The following AKAP6 variants were observed in gnomAD, a reference collection of about 807,000 sequenced individuals.
The protein encoded by AKAP6 is A-kinase anchoring protein 6.
In AKAP6, 58 loss-of-function variants were observed where a neutral mutation model predicts 188.5. That is an observed-to-expected ratio of 0.31 (90% CI 0.25 to 0.38). The LOEUF is 0.38. Among genes scored for constraint, AKAP6 ranks in the 10% least tolerant of loss-of-function variants. AKAP6 has a pLI of 1.00. For missense variants in AKAP6, 2,710 were observed against 2,740.0 expected, an observed-to-expected ratio of 0.99 and a Z score of 0.24; for synonymous variants, 989 against 998.6, an observed-to-expected ratio of 0.99 and a Z score of 0.18.
intron 4 of AKAP6, among the ~76,000 whole-genome samples, chr14:32,576,571 C>T (rs1884728016): frequency 6.6e-6 from 1 of 152,150 alleles, no homozygotes; most frequent in African/African-American, 2.4e-5. Flanking sequence ...CACACAGGCT[C>T]AGACACAGAC....
intron 2 of AKAP6, among the ~76,000 whole-genome samples, chr14:32,531,373 C>T (rs879332584): frequency 6.6e-6 from 1 of 152,182 alleles, no homozygotes; most frequent in Non-Finnish European, 1.5e-5. Context: ...CTGATGATCA[C>T]AGTACCGTCA....
At chr14:32,635,176 A>C (rs1012665164) in intron 7 of AKAP6, among the ~76,000 whole-genome samples, 1 of 152,072 alleles carries the variant, frequency 6.6e-6, no homozygotes, top group African/African-American at 2.4e-5. Context: ...TGGAAAATAA[A>C]ATTACAGCTT....
chr14:32,446,479 A>C (rs1890759319), intron 2 of AKAP6, among the ~76,000 whole-genome samples: 1 of 152,110 alleles, frequency 6.6e-6, no homozygotes, highest in South Asian at 2.1e-4. Context: ...TCTTCTTAGT[A>C]GTTATAAACC....
chr14:32,418,882 T>A (rs1490642184), intron 1 of AKAP6, among the ~76,000 whole-genome samples: 1 of 152,174 alleles, frequency 6.6e-6, no homozygotes, highest in Non-Finnish European at 1.5e-5. Flanking sequence ...AACAAAAATA[T>A]TTATAAGCTC....
chr14:32,443,772 A>G (rs1324643591), intron 2 of AKAP6, among the ~76,000 whole-genome samples: 2 of 152,248 alleles, frequency 1.3e-5, no homozygotes, highest in Non-Finnish European at 2.9e-5. Context: ...GGGAGTAAGT[A>G]CATGCCAGAT....
intron 9 of AKAP6, among the ~76,000 whole-genome samples, chr14:32,707,993 C>T (rs747999323): frequency 6.6e-5 from 10 of 151,962 alleles, no homozygotes; most frequent in Admixed American, 6.6e-5. Context: ...TACAGAAATC[C>T]ACAACTAATC....
chr14:32,788,985 G>T (rs2033521643), intron 12 of AKAP6, among the ~76,000 whole-genome samples: 1 of 152,184 alleles, frequency 6.6e-6, no homozygotes, highest in Non-Finnish European at 1.5e-5. Flanking sequence ...CTGGGGAGAG[G>T]GTCGGCCACC....
chr14:32,700,052 G>T (rs2139710113), intron 9 of AKAP6, among the ~76,000 whole-genome samples: 1 of 152,172 alleles, frequency 6.6e-6, no homozygotes, highest in African/African-American at 2.4e-5. Flanking sequence ...ATTATTCTTG[G>T]GCTTGGGGAA....
intron 5 of AKAP6, among the ~76,000 whole-genome samples, chr14:32,591,146 A>C (rs559606160): frequency 1.1e-4 from 17 of 152,226 alleles, no homozygotes; most frequent in Non-Finnish European, 2.5e-4. Context: ...GCTGCTGCAC[A>C]TCAATTATTC....
intron 12 of AKAP6, among the ~76,000 whole-genome samples, chr14:32,781,093 C>T (rs1445065648): frequency 6.6e-6 from 1 of 150,932 alleles, no homozygotes; most frequent in Non-Finnish European, 1.5e-5. Flanking sequence ...AAGCAGAAAT[C>T]AGTGAAATAG....
At chr14:32,649,233 T>A (rs1888110111) in intron 7 of AKAP6, among the ~76,000 whole-genome samples, 1 of 152,116 alleles carries the variant, frequency 6.6e-6, no homozygotes, top group South Asian at 2.1e-4. Flanking sequence ...GTGGAATAAA[T>A]CCATTTAATT....
intron 12 of AKAP6, among the ~76,000 whole-genome samples, chr14:32,811,106 G>A (rs887022692): frequency 1.3e-5 from 2 of 152,084 alleles, no homozygotes; most frequent in African/African-American, 2.4e-5. Flanking sequence ...GGGCATGGTG[G>A]TGGGCGCCTG....
Position 32,545,794 on chromosome 14 carries a change from G to C in AKAP6, c.1141G>C (p.Glu381Gln), listed in dbSNP as rs963240995. ...CATCAGAGATTGCTTTAATTATAAC[G>C]AGGACTCTCCCACGCAGCCTACATT... ...RTIRDCFNYN[E>Q]DSPTQPTLPK... Residue 381 changes from glutamate (E) to glutamine (Q), a missense_variant, in exon 4 of 14, where the codon GAG (glutamate) becomes CAG (glutamine). Coordinates refer to ENST00000280979, the MANE Select transcript of AKAP6 (RefSeq NM_004274.5). The C allele has an allele frequency of 6.2e-7, 1 of 1,614,178 alleles. No individual in the cohort carries two copies. Among genetic ancestry groups the C allele is most frequent in the African/African-American group, 1.3e-5 (1 of 75,058 alleles).
At chr14:32,741,819 G>GTTTTTTTTTTTTTTTTTT (rs34015837) in intron 11 of AKAP6, among the ~76,000 whole-genome samples, 1 of 70,684 alleles carries the variant, frequency 1.4e-5, no homozygotes, top group Non-Finnish European at 2.7e-5. Context: ...TAGCCTGTAG[G>GTTTTTTTTTTTTTTTTTT]TTTTTTTTTT....
intron 2 of AKAP6, among the ~76,000 whole-genome samples, chr14:32,460,974 A>C (rs1201774148): frequency 6.6e-6 from 1 of 152,192 alleles, no homozygotes; most frequent in Non-Finnish European, 1.5e-5. Context: ...GGCGGAACTC[A>C]CCACAGTGCA....
intron 11 of AKAP6, among the ~76,000 whole-genome samples, chr14:32,746,534 G>A (rs551489252): frequency 6.6e-6 from 1 of 152,190 alleles, no homozygotes; most frequent in African/African-American, 2.4e-5. Context: ...TGGTTGAGCT[G>A]GTATCTGAGA....
intron 9 of AKAP6, among the ~76,000 whole-genome samples, chr14:32,716,950 G>T (rs909254516): frequency 6.6e-6 from 1 of 152,062 alleles, no homozygotes; most frequent in Non-Finnish European, 1.5e-5. Context: ...TTTCTTACAA[G>T]TATGATCTAT....
At chr14:32,817,493 G>C (rs201935752) in intron 12 of AKAP6, among the ~76,000 whole-genome samples, 3 of 41,210 alleles carry the variant, frequency 7.3e-5, no homozygotes, top group African/African-American at 2.4e-4. Flanking sequence ...GTCTGTGTTT[G>C]TGTGTGTGTG....
chr14:32,395,026 T>G (rs1407484899), intron 1 of AKAP6, among the ~76,000 whole-genome samples: 1 of 152,050 alleles, frequency 6.6e-6, no homozygotes, highest in Admixed American at 6.6e-5. Context: ...AGGAGTTAAC[T>G]TCAGGAATTA....
Sources: gnomAD v4.1 joint callset for allele counts (sites outside exome capture counted in the v4.1 genomes callset) on GRCh38, gnomAD v4.1.1 for gene constraint, MANE v1.5 for transcripts, NCBI Gene and HGNC (gene_info 2026-07-23, HGNC 2026-07-21) for gene names.